The following ARMC9 variants were observed in gnomAD, a reference collection of about 807,000 sequenced individuals.
The protein encoded by ARMC9 is armadillo repeat containing 9.
ARMC9 carries 94 observed loss-of-function variants against 107.0 expected under a neutral mutation model. The ratio of observed to expected loss-of-function variants is 0.88; its 90% CI spans 0.74 to 1.04. The LOEUF (loss-of-function observed/expected upper bound fraction) is 1.04, where lower values mean the gene tolerates loss of function less well. Ranked by LOEUF, ARMC9 falls within the 50% of genes least tolerant of loss-of-function variation. The pLI is 0.00. For missense variants in ARMC9, 942 were observed against 1,030.1 expected, an observed-to-expected ratio of 0.91 and a Z score of 1.17; for synonymous variants, 380 against 396.9, an observed-to-expected ratio of 0.96 and a Z score of 0.51.
rs918318387 is a variant in ARMC9, at chr2:231,375,774, A to C, written c.*4239A>C. Among the ~76,000 whole-genome samples, 1 of 152,180 alleles carries C rather than the reference A, an allele frequency of 6.6e-6. No individual in the cohort carries two copies. The highest frequency in any genetic ancestry group is 2.4e-5 in the African/African-American group (1 of 41,434). The stretch of plus-strand genomic sequence containing the variant: ...CCAGAGTCGTCATCTTAAGGTGTCT[A>C]CTAAAGCCTGGGGGTGGATGGGATC... On this transcript the variant is annotated 3_prime_UTR_variant, in exon 25 of 25. Transcript: ENST00000611582. The surrounding 1 kb of genome is among the most constrained non-coding windows in gnomAD (Gnocchi z 4.3).
chr2:231,271,898 A>C (rs1057241019), intron 13 of ARMC9, among the ~76,000 whole-genome samples: 2 of 152,100 alleles, frequency 1.3e-5, no homozygotes, highest in African/African-American at 4.8e-5. Flanking sequence ...GTGTGTATGG[A>C]AGCATTCCTT....
At chr2:231,306,297 T>G (rs887570765) in intron 19 of ARMC9, among the ~76,000 whole-genome samples, 1 of 152,222 alleles carries the variant, frequency 6.6e-6, no homozygotes, top group Non-Finnish European at 1.5e-5. Flanking sequence ...GTCTCCATTG[T>G]TTTGAGGCCT....
chr2:231,288,096 T>C (rs538199412), intron 17 of ARMC9, among the ~76,000 whole-genome samples: 1 of 152,310 alleles, frequency 6.6e-6, no homozygotes, highest in East Asian at 1.9e-4. Flanking sequence ...CTCATAGGAT[T>C]GAAAGCATTG....
intron 9 of ARMC9, among the ~76,000 whole-genome samples, chr2:231,254,268 A>G (rs973844854): frequency 6.6e-6 from 1 of 152,232 alleles, no homozygotes; most frequent in Non-Finnish European, 1.5e-5. Flanking sequence ...ACAATCTGGT[A>G]TCACATAAGG....
chr2:231,338,641 A>G (rs2044291983), intron 20 of ARMC9, among the ~76,000 whole-genome samples: 1 of 151,162 alleles, frequency 6.6e-6, no homozygotes, highest in South Asian at 2.1e-4. Context: ...CTAGGCTTAA[A>G]CGATCTTCCC....
chr2:231,205,221 T>G (rs571755702), intron 1 of ARMC9, among the ~76,000 whole-genome samples: 223 of 149,250 alleles, frequency 1.5e-3, no homozygotes, highest in Admixed American at 3.3e-3. Flanking sequence ...AAAAAAAAAA[T>G]TACCTGGGTA....
rs187946968 is a variant in ARMC9 at position 231,286,304 on chromosome 2, C to A, written c.1626+4171C>A. On this transcript the variant is annotated intron_variant, in intron 17 of 24. Coordinates refer to ENST00000611582, the MANE Select transcript of ARMC9 (RefSeq NM_001352754.2). The stretch of plus-strand genomic sequence containing the variant: ...CTAATGTTTGTATTTTTAGTAGAGA[C>A]GGGGTTTCACCGTGTTGGCCAGGCT... Among the ~76,000 whole-genome samples, 23 of 152,220 alleles carry A rather than the reference C, an allele frequency of 1.5e-4. No individual in the cohort carries two copies. In the East Asian group the frequency reaches 4.5e-3, roughly 29 times the overall value.
chr2:231,292,913 G>A (rs1028661836), intron 18 of ARMC9, among the ~76,000 whole-genome samples: 1 of 152,164 alleles, frequency 6.6e-6, no homozygotes, highest in Non-Finnish European at 1.5e-5. Context: ...CTTTAAGACT[G>A]TACCCCACAC....
chr2:231,298,519 A>G (rs893251563), intron 19 of ARMC9, among the ~76,000 whole-genome samples: 3 of 152,218 alleles, frequency 2.0e-5, no homozygotes, highest in Non-Finnish European at 1.5e-5. Context: ...CAGCAAAATT[A>G]TTTGCAAGGT....
intron 19 of ARMC9, among the ~76,000 whole-genome samples, chr2:231,314,247 T>C (rs1268994763): frequency 1.3e-5 from 2 of 151,772 alleles, no homozygotes; most frequent in Middle Eastern, 3.2e-3. Context: ...GCCCGGCTAA[T>C]TTTGTGTTTT....
At chr2:231,240,115 T>C in intron 9 of ARMC9, 74 bp downstream of exon 9, 3 of 1,266,820 alleles carry the variant, frequency 2.4e-6, no homozygotes, top group Admixed American at 2.2e-5. Flanking sequence ...ACTTTAAAAA[T>C]AGCATGAAAA....
intron 9 of ARMC9, among the ~76,000 whole-genome samples, chr2:231,249,508 C>T (rs547281679): frequency 5.9e-5 from 9 of 152,136 alleles, no homozygotes; most frequent in Non-Finnish European, 1.3e-4. Context: ...CACCTCCCCA[C>T]ATCCTGACAC....
intron 11 of ARMC9, among the ~76,000 whole-genome samples, chr2:231,259,707 A>T (rs1460543776): frequency 6.6e-6 from 1 of 152,004 alleles, no homozygotes; most frequent in East Asian, 1.9e-4. Flanking sequence ...AACTGAGAGG[A>T]TTTGGCTGGG....
Position 231,264,288 on chromosome 2 carries a change from C to G in ARMC9, c.1119+1890C>G, listed in dbSNP as rs184196599. On this transcript the variant is annotated intron_variant, in intron 12 of 24. Transcript: ENST00000611582. Reference sequence around the variant, plus strand: ...CTACCTCCTGGGTTCAAGCAATTCTCCTGCCTCAGCCTCCCAAGTAGCTGG... The same window carrying G: ...CTACCTCCTGGGTTCAAGCAATTCTGCTGCCTCAGCCTCCCAAGTAGCTGG... Among the ~76,000 whole-genome samples the G allele has an allele frequency of 1.4e-3, 215 of 152,178 alleles. 1 individual carries two copies. The highest frequency in any genetic ancestry group is 4.8e-3 in the African/African-American group (198 of 41,514).
chr2:231,360,925 C>G lies in ARMC9; in HGVS notation c.2261+42C>G. The G allele has an allele frequency of 1.4e-6, 2 of 1,474,242 alleles. No individual in the cohort carries two copies. Among genetic ancestry groups the G allele is most frequent in the Non-Finnish European group, 8.9e-7 (1 of 1,118,498 alleles). The allele number at this position is 1,474,242 out of a possible 1,614,324, so 91.3% of individuals were successfully genotyped here. A position where few individuals can be genotyped will look rare whatever the true frequency, so the allele number is the denominator to read the frequency against. ...AAGGCCTCGAACCTGACTCTCGGAGCTCTGGGAGTGGGCGCCCCACGCCGG... is the reference window on the plus strand; with the variant it reads ...AAGGCCTCGAACCTGACTCTCGGAGGTCTGGGAGTGGGCGCCCCACGCCGG... On this transcript the variant is annotated intron_variant, in intron 23 of 24. Coordinates refer to ENST00000611582, the MANE Select transcript of ARMC9 (RefSeq NM_001352754.2). This position sits in a 1 kb window ranked among gnomAD's most constrained non-coding sequence, Gnocchi z 4.7.
chr2:231,205,826 GCTCCTTA>G, intron 1 of ARMC9, among the ~76,000 whole-genome samples: 1 of 152,282 alleles, frequency 6.6e-6, no homozygotes, highest in Middle Eastern at 3.4e-3. Context: ...GTTTTTAGAG[GCTCCTTA>G]CCCTCCTTGT....
intron 16 of ARMC9, among the ~76,000 whole-genome samples, chr2:231,281,816 G>T (rs1042424115): frequency 6.6e-6 from 1 of 152,204 alleles, no homozygotes; most frequent in Non-Finnish European, 1.5e-5. Flanking sequence ...AATGAAATGC[G>T]CAGGAGTAAG....
chr2:231,362,153 C>T lies in ARMC9; in HGVS notation c.2261+1270C>T, dbSNP rs945428840. Among the ~76,000 whole-genome samples the T allele has an allele frequency of 6.6e-6, 1 of 152,148 alleles. No homozygotes were observed. The highest frequency in any genetic ancestry group is 2.4e-5 in the African/African-American group (1 of 41,436). On this transcript the variant is annotated intron_variant, in intron 23 of 24. Coordinates refer to ENST00000611582, the MANE Select transcript of ARMC9 (RefSeq NM_001352754.2). The surrounding 1 kb of genome is among the most constrained non-coding windows in gnomAD (Gnocchi z 4.7). The stretch of plus-strand genomic sequence containing the variant: ...GCCAACCTGCCTGGGGACCCAGGGA[C>T]CTACCTCCCCTACCTGGGCCTCCTC...
chr2:231,317,210 G>A lies in ARMC9; in HGVS notation c.1774-14583G>A, dbSNP rs544624493. Among the ~76,000 whole-genome samples, 31 of 150,344 alleles carry A rather than the reference G, an allele frequency of 2.1e-4. 1 individual carries two copies. The East Asian group carries it at 3.8e-3, about 18-fold the overall frequency. On this transcript the variant is annotated intron_variant, in intron 19 of 24. Coordinates refer to ENST00000611582, the MANE Select transcript of ARMC9 (RefSeq NM_001352754.2). ...TTTTGAGACGGAGTCTCATTCTGTC[G>A]CCCAGGCTGGAGCTCAATGGCGCAA...
Sources: gnomAD v4.1 joint callset for allele counts (sites outside exome capture counted in the v4.1 genomes callset) on GRCh38, gnomAD v4.1.1 for gene constraint, Gnocchi (gnomAD v3.1) non-coding constraint, MANE v1.5 for transcripts, NCBI Gene and HGNC (gene_info 2026-07-23, HGNC 2026-07-21) for gene names.